Variants in KRT74 observed in about 807,000 individuals in gnomAD.
The protein encoded by KRT74 is keratin 74.
KRT74 carries 43 observed loss-of-function variants against 42.7 expected under a neutral mutation model. That is an observed-to-expected ratio of 1.01 (90% CI 0.79 to 1.30). KRT74 has a LOEUF of 1.30. Among genes scored for constraint, KRT74 ranks in the 50% most tolerant of loss-of-function variants. The probability of loss-of-function intolerance (pLI) is 0.00; values close to 1 mark genes in which losing one functional copy is unlikely to be tolerated. For missense variants in KRT74, 736 were observed against 689.1 expected, an observed-to-expected ratio of 1.07 and a Z score of -0.76; for synonymous variants, 302 against 279.0, an observed-to-expected ratio of 1.08 and a Z score of -0.82.
chr12:52,572,045 A>G, intron 2 of KRT74, 41 bp from the exon 3 acceptor site: 2 of 1,449,190 alleles, frequency 1.4e-6, no homozygotes, highest in East Asian at 2.3e-5. Context: ...CCCCTTAGCC[A>G]AGGAACTTTC....
At chr12:52,570,215 C>T (rs913301753) in intron 5 of KRT74, among the ~76,000 whole-genome samples, 1 of 152,174 alleles carries the variant, frequency 6.6e-6, no homozygotes, top group African/African-American at 2.4e-5. Context: ...GAGCACTCCT[C>T]GCCTTCCATT....
Position 52,571,897 on chromosome 12 carries a change from G to C in KRT74, c.747+47C>G, listed in dbSNP as rs1055212291. 5 of 1,260,070 alleles carry C rather than the reference G, an allele frequency of 4.0e-6. No individual in the cohort carries two copies. The African/African-American group carries it at 7.5e-5, about 19-fold the overall frequency. The allele number at this position is 1,260,070 out of a possible 1,614,324, so 78.1% of individuals were successfully genotyped here. Reference sequence around the variant, plus strand: ...CTGAAGTCCTGAGCAGAGTTGTTAAGATGGGGGTGCGAGAGACCCTAATAA... The same window carrying C: ...CTGAAGTCCTGAGCAGAGTTGTTAACATGGGGGTGCGAGAGACCCTAATAA... On this transcript the variant is annotated intron_variant, in intron 3 of 8. Transcript: ENST00000305620.
chr12:52,570,023 G>C, intron 5 of KRT74, 39 bp from the exon 6 acceptor site: 1 of 1,612,772 alleles, frequency 6.2e-7, no homozygotes, highest in Non-Finnish European at 8.5e-7. Context: ...ATGAGACAAG[G>C]GCACTGGGGA....
chr12:52,570,702 G>T lies in KRT74; in HGVS notation c.975C>A (p.Ser325Arg), dbSNP rs758205386. The T allele has an allele frequency of 6.2e-7, 1 of 1,614,192 alleles. No homozygotes were observed. The highest frequency in any genetic ancestry group is 1.1e-5 in the South Asian group (1 of 91,078). ...GGTACAGGGCCTCGGCCTCGGCCTTGCTCTTCAGGGCGATCTCCTCATAAT... is the reference window on the plus strand; with the variant it reads ...GGTACAGGGCCTCGGCCTCGGCCTTTCTCTTCAGGGCGATCTCCTCATAAT... ...RMHYEEIALK[S>R]KAEAEALYQT... The change falls in exon 5 of 9, where the codon AGC becomes AGA. Residue 325 changes from serine to arginine, a missense_variant. By Grantham distance (110) the Ser-to-Arg change is moderately radical (BLOSUM62 -1). Transcript: ENST00000305620.
At position 52,571,438 on chromosome 12, in the gene KRT74, T is replaced by C. The variant is rs760542224; in HGVS notation, c.764A>G (p.Tyr255Cys). The C allele has an allele frequency of 9.9e-6, 16 of 1,613,722 alleles. No individual in the cohort carries two copies. Among genetic ancestry groups the C allele is most frequent in the Non-Finnish European group, 1.3e-5 (15 of 1,179,620 alleles). ...VVLKKDADAA[Y>C]AVKVELQAKV... ...GGCCTGAAGCTCCACCTTGACTGCG[T>C]AGGCTGCATCTGCATCCTGCCAAGA... is the stretch of plus-strand genomic sequence containing the variant. The change falls in exon 4 of 9, where the codon TAC (tyrosine) becomes TGC (cysteine). Residue 255 changes from tyrosine (Y) to cysteine (C), a missense_variant. Transcript: ENST00000305620.
At chr12:52,570,908 T>G in intron 4 of KRT74, 75 bp from the exon 5 acceptor site, 6 of 1,541,036 alleles carry the variant, frequency 3.9e-6, no homozygotes, top group Non-Finnish European at 5.4e-6. Context: ...TCTGGGCCCA[T>G]GGTCCCTGGC....
In KRT74 at chr12:52,567,132, G is replaced by A. The variant is rs1400420676; in HGVS notation, c.1427C>T (p.Pro476Leu). 1 of 1,605,870 alleles carries A rather than the reference G, an allele frequency of 6.2e-7. No homozygotes were observed. The highest frequency in any genetic ancestry group is 2.2e-5 in the East Asian group (1 of 44,644). ...CCCAAGGTCAACACCCGCAGAGCTG[G>A]GGTGGTGGTAGCTGTAGCTGCTACT... is the stretch of plus-strand genomic sequence containing the variant. The part of the protein sequence containing the change: ...ISSSSYSYHH[P>L]SSAGVDLGAS... Residue 476 changes from proline (P) to leucine (L), a missense_variant, in exon 9 of 9, where the codon CCC becomes CTC. Pro to Leu is a moderately conservative substitution (Grantham distance 98). Transcript: ENST00000305620.
intron 6 of KRT74, 111 bp from the exon 7 acceptor site, chr12:52,568,500 G>T (rs190001446): frequency 1.7e-6 from 2 of 1,172,640 alleles, no homozygotes; most frequent in East Asian, 2.6e-5. Flanking sequence ...GTGACAAGGA[G>T]TAAAAGCTGC....
rs73107558 is a variant in KRT74, at chr12:52,569,995, A to G, written c.1009-11T>C. On this transcript the variant is annotated splice_polypyrimidine_tract_variant and intron_variant, in intron 5 of 8. Transcript: ENST00000305620. The stretch of plus-strand genomic sequence containing the variant: ...CTGCAGCTCCTGGATCTGGTTTCCC[A>G]GAGATAGGAAGTTGGTGATGAGACA... The G allele has an allele frequency of 0.054, 86,384 of 1,613,694 alleles. 2,550 individuals are homozygous for G. Among genetic ancestry groups the G allele is most frequent in the East Asian group, 0.079 (3,528 of 44,858 alleles).
intron 1 of KRT74, 39 bp from the exon 2 acceptor site, chr12:52,572,706 G>GGGCATGAC: frequency 1.3e-6 from 2 of 1,569,316 alleles, no homozygotes; most frequent in Non-Finnish European, 1.8e-6. Flanking sequence ...ACCACAATGG[G>GGGCATGAC]TGCAGTCATG....
intron 6 of KRT74, chr12:52,569,527 A>ATGCGGACCTCAGCGATGATGCTGTC (rs1405424018): frequency 1.7e-6 from 1 of 600,042 alleles, no homozygotes; most frequent in Non-Finnish European, 3.0e-6. Context: ...GGACACAGAA[A>ATGCGGACCTCAGCGATGATGCTGTC]AAATCTGCAG....
intron 6 of KRT74, 125 bp downstream of exon 6, chr12:52,569,732 CTG>C (rs1939441434): frequency 8.2e-7 from 1 of 1,222,086 alleles, no homozygotes; most frequent in African/African-American, 1.5e-5. Flanking sequence ...GAAAGGGAGA[CTG>C]TGGGTGGCCG....
At position 52,566,887 on chromosome 12, in the gene KRT74, G is replaced by A. The variant is rs771203843; in HGVS notation, c.*82C>T. 1 of 1,208,978 alleles carries A rather than the reference G, an allele frequency of 8.3e-7. No homozygotes were observed. Among genetic ancestry groups the A allele is most frequent in the Non-Finnish European group, 1.2e-6 (1 of 846,964 alleles). The allele number at this position is 1,208,978 out of a possible 1,614,324, so 74.9% of individuals were successfully genotyped here. On this transcript the variant is annotated 3_prime_UTR_variant, in exon 9 of 9. Coordinates refer to ENST00000305620, the MANE Select transcript of KRT74 (RefSeq NM_175053.4). ...CAGACAGTTTTAAAACTCAGGGCCT[G>A]GGAACTTGGGTGTGGCAGACACCTT... is the stretch of plus-strand genomic sequence containing the variant.
intron 3 of KRT74, 103 bp downstream of exon 3, chr12:52,571,841 C>G (rs1939487189): frequency 9.3e-6 from 8 of 860,202 alleles, no homozygotes; most frequent in East Asian, 2.4e-5. Flanking sequence ...GCCCCCTCAC[C>G]AGGCACCAGC....
intron 1 of KRT74, 94 bp from the exon 2 acceptor site, chr12:52,572,761 G>A: frequency 8.5e-7 from 1 of 1,173,392 alleles, no homozygotes; most frequent in South Asian, 1.3e-5. Flanking sequence ...GCCATAGATT[G>A]TTGTAGTCAT....
intron 1 of KRT74, 125 bp downstream of exon 1, chr12:52,573,182 G>A (rs1314979142): frequency 3.3e-6 from 3 of 911,588 alleles, no homozygotes; most frequent in East Asian, 2.4e-5. Context: ...CTTCCCTAAT[G>A]GTGAGGAAGC....
chr12:52,568,124 C>T (rs1939410658), intron 7 of KRT74, 45 bp downstream of exon 7: 1 of 1,609,164 alleles, frequency 6.2e-7, no homozygotes, highest in South Asian at 1.1e-5. Flanking sequence ...CAGACAGGAG[C>T]CACACCCCAG....
rs757020828 is a variant in KRT74 at position 52,567,073 on chromosome 12, G to T, written c.1486C>A (p.Gln496Lys). 1 of 1,596,320 alleles carries T rather than the reference G, an allele frequency of 6.3e-7. No homozygotes were observed. The highest frequency in any genetic ancestry group is 8.6e-7 in the Non-Finnish European group (1 of 1,166,694). ...TCTGTGGTCTTGGTCTGCCCGCTCT[G>T]GGTGCTGCCAGAGCTGCCTGCCACA... Reference protein sequence around the residue: ...SAVAGSSGSTQSGQTKTTEAR... With the variant: ...SAVAGSSGSTKSGQTKTTEAR... Residue 496 changes from glutamine to lysine, a missense_variant, in exon 9 of 9, where the codon CAG becomes AAG. Transcript: ENST00000305620.
chr12:52,570,754 T>C lies in KRT74; in HGVS notation c.923A>G (p.Asp308Gly), dbSNP rs1306724787. The C allele has an allele frequency of 6.2e-7, 1 of 1,614,104 alleles. No homozygotes were observed. Among genetic ancestry groups the C allele is most frequent in the Non-Finnish European group, 8.5e-7 (1 of 1,180,042 alleles). ...SMDNNRDLDLDSIIAEVRMHY... is the reference protein window; with the variant it reads ...SMDNNRDLDLGSIIAEVRMHY... The stretch of plus-strand genomic sequence containing the variant: ...CATGCGGACCTCAGCGATGATGCTG[T>C]CAAGGTCCAGGTCCCGGTTGTTGTC... Residue 308 changes from aspartate to glycine, a missense_variant, in exon 5 of 9, where the codon GAC becomes GGC. Physicochemically the swap from Asp to Gly is moderately conservative, Grantham distance 94. Transcript: ENST00000305620.
Sources: gnomAD v4.1 joint callset for allele counts (sites outside exome capture counted in the v4.1 genomes callset) on GRCh38, gnomAD v4.1.1 for gene constraint, MANE v1.5 for transcripts, NCBI Gene and HGNC (gene_info 2026-07-23, HGNC 2026-07-21) for gene names.